PCDH11X: variants seen among roughly 807,000 people sequenced by gnomAD.
PCDH11X encodes the protein protocadherin 11 X-linked.
PCDH11X carries 18 observed loss-of-function variants against 53.3 expected under a neutral mutation model. The observed-to-expected ratio is 0.34, with a 90% CI of 0.23 to 0.50. The LOEUF (loss-of-function observed/expected upper bound fraction) is 0.50, where lower values mean the gene tolerates loss of function less well. PCDH11X is among the 20% of genes least tolerant of loss of function. The pLI is 0.98. For missense variants in PCDH11X, 570 were observed against 1,032.4 expected (o/e 0.55, Z 6.14); for synonymous variants, 279 against 393.3 (o/e 0.71, Z 3.44).
At chrX:92,548,282 C>CT (rs1248711542) in intron 10 of PCDH11X, among the ~76,000 whole-genome samples, 1 of 110,490 alleles carries the variant, frequency 9.1e-6, no homozygotes, top group African/African-American at 3.3e-5. Context: ...GTGATCCTCG[C>CT]ACCTCAGCCT....
chrX:91,817,596 T>G (rs1602278520), intron 4 of PCDH11X, among the ~76,000 whole-genome samples: 1 of 111,330 alleles, frequency 9.0e-6, no homozygotes, highest in African/African-American at 3.3e-5. Flanking sequence ...GCTTAAGTCC[T>G]TAGCCTTATT....
intron 6 of PCDH11X, among the ~76,000 whole-genome samples, chrX:91,900,236 G>A (rs1480894046): frequency 9.0e-6 from 1 of 110,743 alleles, no homozygotes; most frequent in Non-Finnish European, 1.9e-5. Flanking sequence ...GGTAGGAGGA[G>A]CCCAGAGTGG....
chrX:92,566,066 A>G (rs1025703609), intron 10 of PCDH11X, among the ~76,000 whole-genome samples: 2 of 110,823 alleles, frequency 1.8e-5, no homozygotes, highest in African/African-American at 6.5e-5. Context: ...TATAGATATG[A>G]TGTCAACAGG....
At chrX:92,096,812 G>T (rs2064146699) in intron 6 of PCDH11X, among the ~76,000 whole-genome samples, 1 of 111,279 alleles carries the variant, frequency 9.0e-6, no homozygotes, top group Admixed American at 9.6e-5. Flanking sequence ...CCCACAACAT[G>T]TGGGAATTAT....
intron 10 of PCDH11X, among the ~76,000 whole-genome samples, chrX:92,485,636 T>C (rs2073626141): frequency 8.9e-6 from 1 of 112,109 alleles, no homozygotes. Context: ...AAACATTTCT[T>C]ACTAGAAAAG....
At chrX:91,886,831 C>T (rs1411454053) in intron 6 of PCDH11X, among the ~76,000 whole-genome samples, 150 of 107,893 alleles carry the variant, frequency 1.4e-3, no homozygotes, top group African/African-American at 4.5e-3. Context: ...ATTAGCTGGG[C>T]GTGGTGGCGG....
intron 6 of PCDH11X, among the ~76,000 whole-genome samples, chrX:91,979,014 A>G (rs1261839636): frequency 8.9e-6 from 1 of 111,889 alleles, no homozygotes; most frequent in East Asian, 2.8e-4. Flanking sequence ...TTAAAATGTA[A>G]TAATAAATCA....
intron 6 of PCDH11X, among the ~76,000 whole-genome samples, chrX:92,135,825 T>C (rs930443574): frequency 9.1e-6 from 1 of 109,511 alleles, no homozygotes; most frequent in African/African-American, 3.3e-5. Flanking sequence ...GATCTGCCTT[T>C]TGTGTATAAT....
In PCDH11X at chrX:92,563,064, T is replaced by G. The variant is rs1326185030; in HGVS notation, c.3368-55200T>G. Among the ~76,000 whole-genome samples the G allele has an allele frequency of 6.4e-3, 527 of 82,685 alleles. 7 individuals are homozygous for G. The highest frequency in any genetic ancestry group is 0.023 in the African/African-American group (493 of 21,677). 71.8% of individuals were successfully genotyped at this position (82,685 alleles called of 115,157 possible). On this transcript the variant is annotated intron_variant, in intron 10 of 10. Transcript: ENST00000682573. ...TTGGTACCGTTTTTTTTTTTTTTTT[T>G]TTTTTTTTTTTTTTTTTGTGAAATA...
At chrX:92,311,630 AG>A (rs1395590463) in intron 8 of PCDH11X, among the ~76,000 whole-genome samples, 1 of 111,218 alleles carries the variant, frequency 9.0e-6, no homozygotes, top group African/African-American at 3.3e-5. Context: ...TAATTCTCAA[AG>A]AATGAAATAT....
At position 91,947,135 on chromosome X, in the gene PCDH11X, C is replaced by T. The variant is rs1282527189; in HGVS notation, c.3033+67862C>T. Among the ~76,000 whole-genome samples, 48 of 107,400 alleles carry T rather than the reference C, an allele frequency of 4.5e-4. 1 individual carries two copies. Among genetic ancestry groups the T allele is most frequent in the Non-Finnish European group, 7.3e-4 (38 of 51,733 alleles). The allele number at this position is 107,400 out of a possible 115,157, so 93.3% of individuals were successfully genotyped here. On this transcript the variant is annotated intron_variant, in intron 6 of 10. Transcript: ENST00000682573. ...TTCATATTCATGCTGAGACTAGATA[C>T]AAAATTTTTATAAAAATTTTGACAT...
At chrX:92,395,146 T>G (rs1217388305) in intron 9 of PCDH11X, among the ~76,000 whole-genome samples, 1 of 111,447 alleles carries the variant, frequency 9.0e-6, no homozygotes, top group Non-Finnish European at 1.9e-5. Context: ...CTTCTTTTTT[T>G]AATCAATCTT....
At chrX:92,608,934 C>T (rs1014691276) in intron 10 of PCDH11X, among the ~76,000 whole-genome samples, 17 of 110,818 alleles carry the variant, frequency 1.5e-4, no homozygotes, top group South Asian at 3.8e-4. Context: ...TGGCGATCAC[C>T]GGTATGTTTT....
intron 10 of PCDH11X, among the ~76,000 whole-genome samples, chrX:92,549,242 C>A (rs1164960984): frequency 2.8e-5 from 3 of 107,880 alleles, no homozygotes; most frequent in African/African-American, 1.0e-4. Flanking sequence ...GCTTTTCTAA[C>A]TTAAAATTTA....
chrX:92,189,807 A>G (rs1165381978), intron 6 of PCDH11X, among the ~76,000 whole-genome samples: 1 of 111,663 alleles, frequency 9.0e-6, no homozygotes, highest in Non-Finnish European at 1.9e-5. Flanking sequence ...GCATTTCTCT[A>G]ATGATAAGTG....
chrX:92,400,497 ATTTG>A (rs1348608730), intron 9 of PCDH11X, among the ~76,000 whole-genome samples: 2 of 110,502 alleles, frequency 1.8e-5, no homozygotes, highest in African/African-American at 6.6e-5. Flanking sequence ...ATCCAGAAGA[ATTTG>A]TTTGTTGTGT....
Position 92,009,614 on chromosome X carries a change from C to T in PCDH11X, c.3033+130341C>T, listed in dbSNP as rs1177259254. On this transcript the variant is annotated intron_variant, in intron 6 of 10. Transcript: ENST00000682573. ...AAGAATTGCTTTCAGAAAGATTTGC[C>T]TTCTCAAGATTGAAGCACATTTTAT... 2.7e-5 allele frequency among the ~76,000 whole-genome samples: 3 copies of T among 109,477 alleles called. No individual in the cohort carries two copies. In the East Asian group the frequency reaches 8.5e-4, roughly 31 times the overall value.
intron 5 of PCDH11X, among the ~76,000 whole-genome samples, chrX:91,847,663 C>T (rs1309478208): frequency 1.8e-5 from 2 of 111,277 alleles, no homozygotes; most frequent in African/African-American, 3.3e-5. Flanking sequence ...TTTAGCAGAG[C>T]GACTCTCAGG....
chrX:92,431,469 C>T lies in PCDH11X; in HGVS notation c.3344-36830C>T, dbSNP rs780171895. On this transcript the variant is annotated intron_variant, in intron 9 of 10. Transcript: ENST00000682573. Reference sequence around the variant, plus strand: ...TTTGTTTTTGACAAGTTTACTCACACGTATAAGGAGGTAAGGGGAAAAATG... The same window carrying T: ...TTTGTTTTTGACAAGTTTACTCACATGTATAAGGAGGTAAGGGGAAAAATG... Among the ~76,000 whole-genome samples, 33 of 109,941 alleles carry T rather than the reference C, an allele frequency of 3.0e-4. No individual in the cohort carries two copies. The South Asian group carries it at 3.8e-3, about 13-fold the overall frequency.
Sources: gnomAD v4.1 joint callset for allele counts (sites outside exome capture counted in the v4.1 genomes callset) on GRCh38, gnomAD v4.1.1 for gene constraint, MANE v1.5 for transcripts, NCBI Gene and HGNC (gene_info 2026-07-23, HGNC 2026-07-21) for gene names.